Variants in NEDD9 observed in about 807,000 individuals in gnomAD.
NEDD9 encodes neural precursor cell expressed, developmentally down-regulated 9.
A neutral mutation model predicts 76.6 loss-of-function variants in NEDD9; 26 were observed. The ratio of observed to expected loss-of-function variants is 0.34; its 90% CI spans 0.25 to 0.47. The LOEUF (loss-of-function observed/expected upper bound fraction) is 0.47. Ranked by LOEUF, NEDD9 falls within the 20% of genes least tolerant of loss-of-function variation. The probability of loss-of-function intolerance (pLI) is 1.00; values close to 1 mark genes in which losing one functional copy is unlikely to be tolerated. For missense variants in NEDD9, 937 were observed against 1,058.5 expected (o/e 0.89, Z 1.59); for synonymous variants, 392 against 414.2 (o/e 0.95, Z 0.65).
At chr6:11,195,238 G>A (rs550659552) in intron 2 of NEDD9, among the ~76,000 whole-genome samples, 9 of 152,276 alleles carry the variant, frequency 5.9e-5, no homozygotes, top group African/African-American at 2.2e-4. Flanking sequence ...TTCTTGCAAC[G>A]AAGTAAAAGA....
chr6:11,303,341 A>G (rs185530345), intron 3 of NEDD9, among the ~76,000 whole-genome samples: 22 of 152,346 alleles, frequency 1.4e-4, no homozygotes, highest in Admixed American at 1.3e-3. Flanking sequence ...GGAGAACTAC[A>G]AACCACTGCT....
intron 1 of NEDD9, among the ~76,000 whole-genome samples, chr6:11,222,620 C>G (rs890424968): frequency 6.6e-5 from 10 of 152,210 alleles, no homozygotes; most frequent in African/African-American, 2.4e-4. Context: ...TTCTTAAAGA[C>G]CCAGCTCTAA....
Position 11,241,095 on chromosome 6 carries a change from T to C in NEDD9, c.13-27368A>G, listed in dbSNP as rs1759700398. On this transcript the variant is annotated intron_variant, in intron 3 of 3. Transcript: ENST00000397378. This position sits in a 1 kb window ranked among gnomAD's most constrained non-coding sequence, Gnocchi z 4.0. ...GATAGAAACTTCACACTGTGGATTT[T>C]TACAAAGGTTGAAGTGATCTGCCAA... Among the ~76,000 whole-genome samples the C allele has an allele frequency of 6.6e-6, 1 of 152,220 alleles. No individual in the cohort carries two copies. The highest frequency in any genetic ancestry group is 1.5e-5 in the Non-Finnish European group (1 of 68,042).
intron 2 of NEDD9, among the ~76,000 whole-genome samples, chr6:11,209,975 T>TTTTTTTTTTGTTG (rs1167935311): frequency 1.3e-5 from 2 of 150,342 alleles, no homozygotes; most frequent in Admixed American, 1.3e-4. Context: ...ACTGTCTTTT[T>TTTTTTTTTTGTTG]TTTTTCCTTA....
chr6:11,339,110 C>G (rs182410450), intron 1 of NEDD9, among the ~76,000 whole-genome samples: 14 of 152,190 alleles, frequency 9.2e-5, no homozygotes, highest in Admixed American at 2.6e-4. Context: ...TTTCCCTCCC[C>G]CAGAGGCATC....
At chr6:11,378,593 C>T (rs942912538) in intron 1 of NEDD9, among the ~76,000 whole-genome samples, 2 of 151,998 alleles carry the variant, frequency 1.3e-5, no homozygotes, top group African/African-American at 4.8e-5. Context: ...GTTTTTATTC[C>T]TATGATTATT....
chr6:11,331,454 A>C (rs553571701), intron 2 of NEDD9, among the ~76,000 whole-genome samples: 94 of 152,310 alleles, frequency 6.2e-4, no homozygotes, highest in Non-Finnish European at 1.2e-3. Context: ...TATATAAAAC[A>C]GTGTGGCGGT....
At chr6:11,284,522 C>T (rs146826615) in intron 3 of NEDD9, among the ~76,000 whole-genome samples, 1,554 of 151,400 alleles carry the variant, frequency 0.01, 28 homozygotes, top group African/African-American at 0.034. Context: ...GATAAGATCG[C>T]GCCACTGCAC....
intron 1 of NEDD9, among the ~76,000 whole-genome samples, chr6:11,342,839 C>T (rs1762299044): frequency 6.6e-6 from 1 of 152,018 alleles, no homozygotes; most frequent in African/African-American, 2.4e-5. Context: ...CTTCAACTAA[C>T]CAAAGGAAGC....
chr6:11,196,012 T>TCAAA (rs926049792), intron 2 of NEDD9, among the ~76,000 whole-genome samples: 3 of 147,388 alleles, frequency 2.0e-5, no homozygotes, highest in African/African-American at 7.6e-5. Context: ...AAACAAACAA[T>TCAAA]CAAACAAACA....
At chr6:11,204,239 G>A (rs1758536338) in intron 2 of NEDD9, among the ~76,000 whole-genome samples, 1 of 152,204 alleles carries the variant, frequency 6.6e-6, no homozygotes, top group Non-Finnish European at 1.5e-5. Context: ...TGCGGCCTAC[G>A]CTAGCAATAC....
chr6:11,312,116 G>A (rs1761389596), intron 2 of NEDD9, among the ~76,000 whole-genome samples: 1 of 151,940 alleles, frequency 6.6e-6, no homozygotes, highest in Non-Finnish European at 1.5e-5. Context: ...CAGGACTCCT[G>A]AACCTGTCTC....
intron 3 of NEDD9, among the ~76,000 whole-genome samples, chr6:11,238,859 C>T (rs1286832907): frequency 6.6e-6 from 1 of 152,142 alleles, no homozygotes; most frequent in African/African-American, 2.4e-5. Flanking sequence ...GGAATCTACC[C>T]GTTTAAAGTG....
chr6:11,332,977 TA>T (rs976267613), intron 2 of NEDD9, among the ~76,000 whole-genome samples: 1 of 139,394 alleles, frequency 7.2e-6, no homozygotes, highest in African/African-American at 2.7e-5. Flanking sequence ...CGGTTTCCCA[TA>T]AGCCAAATAA....
intron 3 of NEDD9, among the ~76,000 whole-genome samples, chr6:11,290,046 G>A (rs4713344): frequency 0.16 from 23,740 of 152,116 alleles, 1,917 homozygotes; most frequent in Middle Eastern, 0.24. Flanking sequence ...GGTTCCACGG[G>A]GGCAAAGATG....
At chr6:11,359,559 T>C (rs565896266) in intron 1 of NEDD9, among the ~76,000 whole-genome samples, 129 of 152,412 alleles carry the variant, frequency 8.5e-4, no homozygotes, top group Middle Eastern at 6.8e-3. Context: ...TCTCATTCTC[T>C]GTACAAACTT....
chr6:11,264,702 A>G (rs183443360), intron 3 of NEDD9, among the ~76,000 whole-genome samples: 1,618 of 152,370 alleles, frequency 0.011, 17 homozygotes, highest in Non-Finnish European at 0.017. Context: ...AAAGGTCACA[A>G]GTAAGTATTT....
At chr6:11,267,436 T>C (rs1238169265) in intron 3 of NEDD9, among the ~76,000 whole-genome samples, 1 of 152,020 alleles carries the variant, frequency 6.6e-6, no homozygotes, top group Non-Finnish European at 1.5e-5. Flanking sequence ...AGTTCCCAAG[T>C]ATCTTTTCAT....
In NEDD9 at chr6:11,232,449, A is replaced by G. The variant is rs1318070021; in HGVS notation, c.12+55T>C. ...AAGGAACACGCATACACAAGCACAC[A>G]CCCGCAGGCACAGCTTTCAGCTTGC... On this transcript the variant is annotated intron_variant, in intron 1 of 6. Transcript: ENST00000379446. 6.2e-6 allele frequency: 10 copies of G among 1,609,426 alleles called. No individual in the cohort carries two copies. In the Middle Eastern group the frequency reaches 8.2e-4, roughly 132 times the overall value.
Sources: allele counts gnomAD v4.1 joint callset (sites outside exome capture counted in the v4.1 genomes callset), GRCh38; gene constraint gnomAD v4.1.1; non-coding constraint Gnocchi (gnomAD v3.1); transcripts MANE v1.5; gene names NCBI Gene and HGNC (gene_info 2026-07-23, HGNC 2026-07-21).